Variants in FER observed in about 807,000 individuals in gnomAD.
The protein encoded by FER is tyrosine-protein kinase Fer.
FER carries 63 observed loss-of-function variants against 111.0 expected under a neutral mutation model. The observed-to-expected ratio is 0.57, with a 90% CI of 0.46 to 0.70. The LOEUF is 0.70. Among genes scored for constraint, FER ranks in the 30% least tolerant of loss-of-function variants. FER has a pLI of 0.00. For synonymous variants in FER, 327 were observed against 313.9 expected (o/e 1.04, Z -0.44); for missense variants, 914 against 954.0 (o/e 0.96, Z 0.55).
chr5:109,061,165 T>G (rs1394319322), intron 16 of FER, among the ~76,000 whole-genome samples: 1 of 152,204 alleles, frequency 6.6e-6, no homozygotes, highest in African/African-American at 2.4e-5. Flanking sequence ...TTGGATTACA[T>G]GACCTCTAAA....
At chr5:108,865,868 A>C (rs1440897925) in intron 5 of FER, among the ~76,000 whole-genome samples, 1 of 152,324 alleles carries the variant, frequency 6.6e-6, no homozygotes, top group Admixed American at 6.5e-5. Flanking sequence ...GAGAAATGCA[A>C]ATCAAAACCA....
chr5:108,861,376 T>C (rs866379381), intron 5 of FER, among the ~76,000 whole-genome samples: 1 of 152,202 alleles, frequency 6.6e-6, no homozygotes, highest in South Asian at 2.1e-4. Context: ...ATATTGTTGA[T>C]GGCATGATAT....
intron 13 of FER, among the ~76,000 whole-genome samples, chr5:108,959,902 T>C (rs1758925926): frequency 6.6e-6 from 1 of 152,124 alleles, no homozygotes; most frequent in East Asian, 1.9e-4. Context: ...ACTACTTACA[T>C]GTGCTTTACA....
Position 109,108,592 on chromosome 5 carries a change from G to C in FER, c.2048+8073G>C, listed in dbSNP as rs573296761. Among the ~76,000 whole-genome samples, 5 of 152,214 alleles carry C rather than the reference G, an allele frequency of 3.3e-5. No individual in the cohort carries two copies. In the East Asian group the frequency reaches 9.7e-4, roughly 29 times the overall value. On this transcript the variant is annotated intron_variant, in intron 17 of 19. Transcript: ENST00000281092. ...TATGTCATACCAAGTCCATCCAACAGGCAGGAGATCAATCTCAGTACAGTG... is the reference window on the plus strand; with the variant it reads ...TATGTCATACCAAGTCCATCCAACACGCAGGAGATCAATCTCAGTACAGTG...
At chr5:108,993,570 GGGGAGA>G (rs372340070) in intron 13 of FER, among the ~76,000 whole-genome samples, 2,562 of 144,634 alleles carry the variant, frequency 0.018, 26 homozygotes, top group Middle Eastern at 0.038. Context: ...GGGAGACCGT[GGGGAGA>G]GGGAGAGGGA....
chr5:109,124,762 T>C (rs977063269), intron 17 of FER, among the ~76,000 whole-genome samples: 2 of 151,498 alleles, frequency 1.3e-5, no homozygotes, highest in Non-Finnish European at 3.0e-5. Context: ...AAGATAGAAG[T>C]TGGGCCGGGC....
intron 5 of FER, among the ~76,000 whole-genome samples, chr5:108,841,656 A>T (rs1245150839): frequency 1.3e-5 from 2 of 152,156 alleles, no homozygotes; most frequent in African/African-American, 4.8e-5. Flanking sequence ...AATTAATTTT[A>T]AAAACATGAA....
intron 10 of FER, among the ~76,000 whole-genome samples, chr5:108,932,439 G>A (rs898685457): frequency 6.6e-6 from 1 of 152,144 alleles, no homozygotes; most frequent in Non-Finnish European, 1.5e-5. Flanking sequence ...CATTTGGGTT[G>A]GTTCCAAGTC....
intron 16 of FER, among the ~76,000 whole-genome samples, chr5:109,089,851 T>G (rs1489760171): frequency 6.6e-6 from 1 of 152,112 alleles, no homozygotes; most frequent in Non-Finnish European, 1.5e-5. Flanking sequence ...CCCCAAACAC[T>G]GATGAAACAA....
intron 13 of FER, among the ~76,000 whole-genome samples, chr5:108,986,925 C>T (rs576736308): frequency 9.9e-5 from 15 of 151,586 alleles, no homozygotes; most frequent in South Asian, 8.3e-4. Context: ...TTGTCAATGA[C>T]GGTTCTTTTT....
intron 17 of FER, among the ~76,000 whole-genome samples, chr5:109,126,843 A>G (rs898851847): frequency 5.9e-5 from 9 of 152,240 alleles, no homozygotes; most frequent in East Asian, 3.8e-4. Flanking sequence ...AGTGTAAAGA[A>G]TAAACTATAT....
At chr5:109,001,682 G>A (rs1039926881) in intron 13 of FER, among the ~76,000 whole-genome samples, 10 of 152,198 alleles carry the variant, frequency 6.6e-5, no homozygotes, top group Non-Finnish European at 1.5e-4. Context: ...TAGGAAAAGA[G>A]GAAGTCAAAT....
At chr5:109,139,350 C>CTTTTTTTTTTTTTTTTTTTTTTTTTT (rs59092426) in intron 17 of FER, among the ~76,000 whole-genome samples, 2 of 91,096 alleles carry the variant, frequency 2.2e-5, no homozygotes, top group African/African-American at 8.8e-5. Flanking sequence ...TTCTTTCTTT[C>CTTTTTTTTTTTTTTTTTTTTTTTTTT]TTTTTTTTTT....
intron 10 of FER, among the ~76,000 whole-genome samples, chr5:108,907,726 C>T (rs1001060606): frequency 2.6e-5 from 4 of 152,152 alleles, no homozygotes; most frequent in Admixed American, 6.5e-5. Context: ...AACAAGAAAA[C>T]ATCAGATAGA....
At chr5:108,890,489 A>G (rs1054962704) in intron 9 of FER, among the ~76,000 whole-genome samples, 1 of 151,924 alleles carries the variant, frequency 6.6e-6, no homozygotes, top group Non-Finnish European at 1.5e-5. Context: ...ATGGCTGACA[A>G]TCCTTGACAT....
At chr5:108,889,730 G>A (rs138237858) in intron 9 of FER, among the ~76,000 whole-genome samples, 16 of 152,064 alleles carry the variant, frequency 1.1e-4, no homozygotes, top group Admixed American at 5.9e-4. Context: ...TTACCGTGAT[G>A]TGAGTATAAC....
chr5:109,080,167 C>A lies in FER; in HGVS notation c.1925-20229C>A, dbSNP rs759051363. Among the ~76,000 whole-genome samples, 6 of 151,992 alleles carry A rather than the reference C, an allele frequency of 3.9e-5. No individual in the cohort carries two copies. The South Asian group carries it at 6.2e-4, about 16-fold the overall frequency. ...TGCATGTCATAACATAAAAATAACA[C>A]CCTGTAAGAAATAATCTGTGATAAC... On this transcript the variant is annotated intron_variant, in intron 16 of 19. Coordinates refer to ENST00000281092, the MANE Select transcript of FER (RefSeq NM_005246.4).
chr5:109,104,698 C>G (rs894714522), intron 17 of FER, among the ~76,000 whole-genome samples: 2 of 152,094 alleles, frequency 1.3e-5, no homozygotes, highest in East Asian at 3.9e-4. Context: ...ATTTACAAAA[C>G]CCTAAAAAAT....
chr5:108,845,021 T>TATATATATATATATATATAC (rs1428643579), intron 5 of FER, among the ~76,000 whole-genome samples: 7 of 52,738 alleles, frequency 1.3e-4, no homozygotes, highest in Admixed American at 2.5e-4. Context: ...TATATATATA[T>TATATATATATATATATATAC]ATATATATAT....
Sources: allele counts gnomAD v4.1 joint callset (sites outside exome capture counted in the v4.1 genomes callset), GRCh38; gene constraint gnomAD v4.1.1; transcripts MANE v1.5; gene names NCBI Gene and HGNC (gene_info 2026-07-23, HGNC 2026-07-21).